ATP10B: variants seen among roughly 807,000 people sequenced by gnomAD.
ATP10B encodes the protein ATPase phospholipid transporting 10B (putative).
In ATP10B, 122 loss-of-function variants were observed where a neutral mutation model predicts 141.2. The observed-to-expected ratio is 0.86, with a 90% CI of 0.75 to 1.00. The LOEUF (loss-of-function observed/expected upper bound fraction) is 1.00. Ranked by LOEUF, ATP10B falls within the 50% of genes least tolerant of loss-of-function variation. ATP10B has a pLI of 0.00. For synonymous variants in ATP10B, 685 were observed against 692.0 expected (o/e 0.99, Z 0.16); for missense variants, 1,876 against 1,825.3 (o/e 1.03, Z -0.51).
intron 19 of ATP10B, among the ~76,000 whole-genome samples, chr5:160,604,860 G>T (rs1186074438): frequency 6.6e-6 from 1 of 152,108 alleles, no homozygotes; most frequent in African/African-American, 2.4e-5. Flanking sequence ...GGTGAAATTC[G>T]ATTTAAATTT....
At chr5:160,739,141 C>T (rs1484952211) in intron 2 of ATP10B, among the ~76,000 whole-genome samples, 2 of 152,180 alleles carry the variant, frequency 1.3e-5, no homozygotes, top group East Asian at 1.9e-4. Context: ...ATCCAACTTC[C>T]ATTTATGGTA....
chr5:160,682,876 A>G (rs889886974), intron 6 of ATP10B, among the ~76,000 whole-genome samples: 1 of 151,784 alleles, frequency 6.6e-6, no homozygotes, highest in Non-Finnish European at 1.5e-5. Context: ...CGTCTCTACT[A>G]AAAATACAAA....
intron 18 of ATP10B, among the ~76,000 whole-genome samples, chr5:160,610,743 T>C (rs1278093512): frequency 6.6e-6 from 1 of 152,238 alleles, no homozygotes; most frequent in Non-Finnish European, 1.5e-5. Context: ...TGTTAATTAT[T>C]AACAATATTG....
chr5:160,603,707 A>G (rs189306101), intron 20 of ATP10B: 2 of 480,172 alleles, frequency 4.2e-6, no homozygotes, highest in African/African-American at 3.9e-5. Context: ...ATGGCTCAAA[A>G]CCCACAAAAT....
chr5:160,664,270 T>C (rs1267492441), intron 7 of ATP10B, among the ~76,000 whole-genome samples: 2 of 152,210 alleles, frequency 1.3e-5, no homozygotes, highest in Admixed American at 6.5e-5. Flanking sequence ...TACCTTTTGC[T>C]TTAACTGAGG....
chr5:160,853,155 T>C (rs1169991415), upstream of ATP10B, among the ~76,000 whole-genome samples: 1 of 152,162 alleles, frequency 6.6e-6, no homozygotes, highest in Non-Finnish European at 1.5e-5. Flanking sequence ...GCTAGGAATT[T>C]TTAAGAACAT....
chr5:160,597,665 T>C (rs1481009389), intron 22 of ATP10B, among the ~76,000 whole-genome samples: 2 of 151,856 alleles, frequency 1.3e-5, no homozygotes, highest in Non-Finnish European at 2.9e-5. Flanking sequence ...GGGCTAATAT[T>C]CAGAATCTAC....
At chr5:160,663,268 A>G (rs1174236908) in intron 7 of ATP10B, among the ~76,000 whole-genome samples, 2 of 152,182 alleles carry the variant, frequency 1.3e-5, no homozygotes, top group African/African-American at 2.4e-5. Context: ...ATACCATTTG[A>G]CCCAGCCATC....
chr5:160,799,648 C>T (rs1362085221), intron 1 of ATP10B, among the ~76,000 whole-genome samples: 2 of 152,088 alleles, frequency 1.3e-5, no homozygotes, highest in Non-Finnish European at 2.9e-5. Flanking sequence ...TGAACATTTA[C>T]AGTCTGAATT....
intron 2 of ATP10B, among the ~76,000 whole-genome samples, chr5:160,740,104 T>C (rs985453403): frequency 6.6e-6 from 1 of 152,250 alleles, no homozygotes; most frequent in African/African-American, 2.4e-5. Context: ...GACCCATTAA[T>C]AAATGCTAAA....
At chr5:160,645,365 G>A (rs1342398984) in intron 8 of ATP10B, among the ~76,000 whole-genome samples, 4 of 152,136 alleles carry the variant, frequency 2.6e-5, no homozygotes, top group African/African-American at 9.7e-5. Flanking sequence ...TTCATACAGG[G>A]GACAGGGGAC....
intron 2 of ATP10B, among the ~76,000 whole-genome samples, chr5:160,768,123 A>G (rs749536959): frequency 6.6e-6 from 1 of 152,058 alleles, no homozygotes; most frequent in Non-Finnish European, 1.5e-5. Flanking sequence ...AATCTTGGTC[A>G]TTACCATCAT....
At chr5:160,692,021 T>A (rs986082734) in intron 3 of ATP10B, among the ~76,000 whole-genome samples, 1 of 152,210 alleles carries the variant, frequency 6.6e-6, no homozygotes. Context: ...AAATGAGAAA[T>A]CTTGCCTTGG....
intron 7 of ATP10B, among the ~76,000 whole-genome samples, chr5:160,666,508 G>A (rs1210841882): frequency 6.6e-6 from 1 of 152,090 alleles, no homozygotes; most frequent in African/African-American, 2.4e-5. Context: ...CCTTCTCCTT[G>A]GGGCTTATTA....
rs1234812572 is a variant in ATP10B at position 160,785,705 on chromosome 5, A to G, written c.-477T>C. ...GGAGAGGAGTTCATTATCTCCACTG[A>G]GTGAGATGAATAATAGGAAAAACTA... On this transcript the variant is annotated 5_prime_UTR_variant, in exon 2 of 26. Coordinates refer to ENST00000327245, the MANE Select transcript of ATP10B (RefSeq NM_025153.3). The G allele has an allele frequency of 9.4e-6, 12 of 1,283,308 alleles. No homozygotes were observed. Among genetic ancestry groups the G allele is most frequent in the Non-Finnish European group, 1.2e-5 (12 of 985,978 alleles). 79.5% of individuals were successfully genotyped at this position (1,283,308 alleles called of 1,614,324 possible). A position where few individuals can be genotyped will look rare whatever the true frequency, so the allele number is the denominator to read the frequency against.
chr5:160,747,662 G>C (rs1033697002), intron 2 of ATP10B, among the ~76,000 whole-genome samples: 12 of 152,122 alleles, frequency 7.9e-5, no homozygotes, highest in Non-Finnish European at 1.8e-4. Context: ...AGAGGCTTCA[G>C]AGGGGGCATG....
chr5:160,742,478 G>A (rs976334364), intron 2 of ATP10B, among the ~76,000 whole-genome samples: 3 of 152,096 alleles, frequency 2.0e-5, no homozygotes, highest in South Asian at 4.1e-4. Context: ...AGGCAGCAAG[G>A]AGTTCACTCT....
intron 1 of ATP10B, among the ~76,000 whole-genome samples, chr5:160,847,003 G>A (rs956669774): frequency 5.3e-5 from 8 of 152,206 alleles, no homozygotes; most frequent in Non-Finnish European, 8.8e-5. Context: ...AATGTTAGAT[G>A]TTCTGGCTAC....
At chr5:160,855,901 A>G (rs1421460316), upstream of ATP10B, among the ~76,000 whole-genome samples, 5 of 151,710 alleles carry the variant, frequency 3.3e-5, no homozygotes, top group African/African-American at 9.7e-5. Flanking sequence ...AATTAGTTGC[A>G]TATTTGTGTG....
Sources: allele counts gnomAD v4.1 joint callset (sites outside exome capture counted in the v4.1 genomes callset), GRCh38; gene constraint gnomAD v4.1.1; transcripts MANE v1.5; gene names NCBI Gene and HGNC (gene_info 2026-07-23, HGNC 2026-07-21).